The following PAX5 variants were observed in gnomAD, a reference collection of about 807,000 sequenced individuals.
The protein encoded by PAX5 is paired box 5.
Under a neutral mutation model 43.7 loss-of-function variants are expected in PAX5, and 9 were observed. The ratio of observed to expected loss-of-function variants is 0.21; its 90% CI spans 0.12 to 0.36. The LOEUF (loss-of-function observed/expected upper bound fraction) is 0.36, where lower values mean the gene tolerates loss of function less well. Ranked by LOEUF, PAX5 falls within the 10% of genes least tolerant of loss-of-function variation. PAX5 has a pLI of 1.00. For synonymous variants in PAX5, 228 were observed against 214.3 expected (o/e 1.06, Z -0.56); for missense variants, 383 against 532.7 (o/e 0.72, Z 2.77).
At chr9:37,011,468 T>C (rs944973163) in intron 3 of PAX5, among the ~76,000 whole-genome samples, 1 of 152,086 alleles carries the variant, frequency 6.6e-6, no homozygotes, top group African/African-American at 2.4e-5. Flanking sequence ...TCCCCACCCC[T>C]TGGCCACGGT....
At chr9:36,902,943 T>A (rs1828529352) in intron 7 of PAX5, among the ~76,000 whole-genome samples, 1 of 152,112 alleles carries the variant, frequency 6.6e-6, no homozygotes, top group Non-Finnish European at 1.5e-5. Context: ...AGCCTCTGGC[T>A]TCACCCCTCC....
At chr9:36,905,289 A>T (rs1828722636) in intron 7 of PAX5, among the ~76,000 whole-genome samples, 1 of 152,268 alleles carries the variant, frequency 6.6e-6, no homozygotes, top group African/African-American at 2.4e-5. Context: ...CCAGCCCCTT[A>T]CAGCTTCTGG....
chr9:36,954,084 T>A (rs539077320), intron 6 of PAX5, among the ~76,000 whole-genome samples: 2 of 152,162 alleles, frequency 1.3e-5, no homozygotes, highest in South Asian at 4.2e-4. Flanking sequence ...AAGAAAAAAA[T>A]ATATACCTAT....
intron 3 of PAX5, among the ~76,000 whole-genome samples, chr9:37,014,769 G>A (rs1839251174): frequency 1.3e-5 from 2 of 152,178 alleles, no homozygotes; most frequent in South Asian, 2.1e-4. Context: ...AGCGGCCAGG[G>A]TGTTGGCATG....
intron 1 of PAX5, among the ~76,000 whole-genome samples, chr9:37,027,281 A>C (rs1057511652): frequency 1.3e-5 from 2 of 152,182 alleles, no homozygotes; most frequent in African/African-American, 4.8e-5. Flanking sequence ...GGGAGCGTGC[A>C]GCCCTCCAAC....
At position 36,882,294 on chromosome 9, in the gene PAX5, A is replaced by G. The variant is rs965973222; in HGVS notation, c.911-189T>C. Among the ~76,000 whole-genome samples, 1 of 147,470 alleles carries G rather than the reference A, an allele frequency of 6.8e-6. No individual in the cohort carries two copies. Among genetic ancestry groups the G allele is most frequent in the Non-Finnish European group, 1.5e-5 (1 of 66,462 alleles). On this transcript the variant is annotated intron_variant, in intron 7 of 9. Transcript: ENST00000358127. This position sits in a 1 kb window ranked among gnomAD's most constrained non-coding sequence, Gnocchi z 4.4. Reference sequence around the variant, plus strand: ...CACACACACACACACACACACACACACTCATGCACACACATCTCCAGCCAC... The same window carrying G: ...CACACACACACACACACACACACACGCTCATGCACACACATCTCCAGCCAC...
At position 36,846,943 on chromosome 9, in the gene PAX5, G is replaced by T; in HGVS notation, c.1013-14C>A. On this transcript the variant is annotated splice_polypyrimidine_tract_variant and intron_variant, in intron 8 of 9. Coordinates refer to ENST00000358127, the MANE Select transcript of PAX5 (RefSeq NM_016734.3). ...AAAACTCACTCCCTGTGTATGGTGG[G>T]TGGAGAGAGAAACAGGAACCAAACG... 1.9e-6 allele frequency: 3 copies of T among 1,583,626 alleles called. No individual in the cohort carries two copies. The highest frequency in any genetic ancestry group is 2.6e-6 in the Non-Finnish European group (3 of 1,152,318).
At chr9:36,978,503 G>A (rs1588132955) in intron 5 of PAX5, among the ~76,000 whole-genome samples, 2 of 150,566 alleles carry the variant, frequency 1.3e-5, no homozygotes, top group African/African-American at 4.9e-5. Flanking sequence ...CCACTGCACA[G>A]AAATAAATAA....
In PAX5 at chr9:36,988,677, AAAAAAAAAAG is replaced by A. The variant is rs779827123; in HGVS notation, c.604+13961_604+13970del. ...GACCCTGTCTCAAAAAAAAAAAAAA[AAAAAAAAAAG>A]AGAGAGAGAGAGAGAAAACAAAAAA... On this transcript the variant is annotated intron_variant, in intron 5 of 9. Coordinates refer to ENST00000358127, the MANE Select transcript of PAX5 (RefSeq NM_016734.3). Among the ~76,000 whole-genome samples the A allele has an allele frequency of 8.0e-3, 370 of 46,132 alleles. No individual in the cohort carries two copies. The East Asian group carries it at 0.084, about 10-fold the overall frequency. The allele number at this position is 46,132 out of a possible 152,430, so 30.3% of individuals were successfully genotyped here. A position where few individuals can be genotyped will look rare whatever the true frequency, so the allele number is the denominator to read the frequency against.
At chr9:36,939,606 A>T (rs1353935953) in intron 6 of PAX5, among the ~76,000 whole-genome samples, 1 of 152,170 alleles carries the variant, frequency 6.6e-6, no homozygotes, top group Admixed American at 6.5e-5. Flanking sequence ...CTGCATGTAA[A>T]TGTCGGAAAA....
chr9:36,954,513 T>C (rs1833286159), intron 6 of PAX5, among the ~76,000 whole-genome samples: 1 of 152,230 alleles, frequency 6.6e-6, no homozygotes, highest in Non-Finnish European at 1.5e-5. Flanking sequence ...GAGTACGAGG[T>C]AATTATTACT....
At chr9:36,876,912 C>T (rs1825958981) in intron 8 of PAX5, among the ~76,000 whole-genome samples, 2 of 152,202 alleles carry the variant, frequency 1.3e-5, no homozygotes, top group South Asian at 4.2e-4. Context: ...AACAAGCAGA[C>T]ATTTAGTAAG....
intron 8 of PAX5, 58 bp downstream of exon 8, chr9:36,881,945 TC>T: frequency 3.2e-6 from 4 of 1,244,162 alleles, no homozygotes; most frequent in Non-Finnish European, 2.3e-6. Context: ...GGGGGGGATG[TC>T]CCCCCACCGA....
intron 4 of PAX5, among the ~76,000 whole-genome samples, chr9:37,004,158 G>T (rs1477038056): frequency 6.6e-6 from 1 of 152,216 alleles, no homozygotes; most frequent in Non-Finnish European, 1.5e-5. Flanking sequence ...AGGGGCAGTG[G>T]TTGGTGACTT....
chr9:36,958,299 G>GGA (rs10643996), intron 6 of PAX5, among the ~76,000 whole-genome samples: 1 of 151,082 alleles, frequency 6.6e-6, no homozygotes, highest in Non-Finnish European at 1.5e-5. Context: ...TAAATGTCAG[G>GGA]AAAAAAAAAT....
intron 8 of PAX5, among the ~76,000 whole-genome samples, chr9:36,849,306 T>A (rs967874336): frequency 5.9e-5 from 9 of 152,250 alleles, no homozygotes; most frequent in African/African-American, 2.2e-4. Context: ...GGGAAGTTCC[T>A]TCCACCCCAT....
chr9:36,949,394 T>C (rs187923995), intron 6 of PAX5, among the ~76,000 whole-genome samples: 1 of 149,908 alleles, frequency 6.7e-6, no homozygotes, highest in African/African-American at 2.4e-5. Context: ...ATTTTACTTA[T>C]GAGAAAACTG....
At chr9:36,999,355 C>T (rs994017068) in intron 5 of PAX5, among the ~76,000 whole-genome samples, 1 of 152,186 alleles carries the variant, frequency 6.6e-6, no homozygotes, top group African/African-American at 2.4e-5. Flanking sequence ...ACTGGCCCTC[C>T]CTGCCTTACT....
At chr9:36,969,030 T>C (rs1407400842) in intron 5 of PAX5, among the ~76,000 whole-genome samples, 2 of 152,162 alleles carry the variant, frequency 1.3e-5, no homozygotes, top group Non-Finnish European at 2.9e-5. Context: ...TGCTAAAGCA[T>C]GACGTGGGCC....
Sources: gnomAD v4.1 joint callset for allele counts (sites outside exome capture counted in the v4.1 genomes callset) on GRCh38, gnomAD v4.1.1 for gene constraint, Gnocchi (gnomAD v3.1) non-coding constraint, MANE v1.5 for transcripts, NCBI Gene and HGNC (gene_info 2026-07-23, HGNC 2026-07-21) for gene names.